The following GFOD2 variants were observed in gnomAD, a reference collection of about 807,000 sequenced individuals.
GFOD2 encodes the protein glucose-fructose oxidoreductase domain-containing protein 2.
A neutral mutation model predicts 24.6 loss-of-function variants in GFOD2; 9 were observed. That is an observed-to-expected ratio of 0.37 (90% confidence interval 0.22 to 0.64). GFOD2 has a LOEUF of 0.64. Among genes scored for constraint, GFOD2 ranks in the 30% least tolerant of loss-of-function variants. The pLI, the probability that GFOD2 is intolerant of heterozygous loss-of-function variation, is 0.65. For synonymous variants in GFOD2, 211 were observed against 224.8 expected, an observed-to-expected ratio of 0.94 and a Z score of 0.55; for missense variants, 476 against 532.5, an observed-to-expected ratio of 0.89 and a Z score of 1.04.
chr16:67,689,106 C>G (rs1448641008), intron 1 of GFOD2, among the ~76,000 whole-genome samples: 1 of 150,922 alleles, frequency 6.6e-6, no homozygotes, highest in Non-Finnish European at 1.5e-5. Context: ...GTGGCGCAAT[C>G]TCAGCTTACT....
chr16:67,699,078 C>T (rs1214460433), intron 1 of GFOD2, among the ~76,000 whole-genome samples: 1 of 152,152 alleles, frequency 6.6e-6, no homozygotes, highest in East Asian at 1.9e-4. Context: ...CGTGGTGGCT[C>T]ACACCTGTAA....
intron 2 of GFOD2, 114 bp from the exon 3 acceptor site, chr16:67,676,167 T>A (rs2053183979): frequency 9.2e-7 from 1 of 1,084,576 alleles, no homozygotes; most frequent in Non-Finnish European, 1.3e-6. Context: ...AACTAATTTT[T>A]TTTTCTTTTT....
intron 1 of GFOD2, among the ~76,000 whole-genome samples, chr16:67,708,678 CACTT>C (rs2053454021): frequency 6.6e-6 from 1 of 152,134 alleles, no homozygotes; most frequent in African/African-American, 2.4e-5. Context: ...GGCAAGCCCT[CACTT>C]AGTGTCAGCC....
chr16:67,680,960 T>C, intron 2 of GFOD2: 1 of 985,424 alleles, frequency 1.0e-6, no homozygotes, highest in Non-Finnish European at 1.2e-6. Context: ...AAGTGTCACA[T>C]ACCTGGGATA....
chr16:67,691,095 C>A (rs755288652), intron 1 of GFOD2, among the ~76,000 whole-genome samples: 46 of 152,126 alleles, frequency 3.0e-4, no homozygotes, highest in Non-Finnish European at 5.9e-4. Flanking sequence ...AACTCCTGAC[C>A]TCAGGTGATC....
rs891197979 is a variant in GFOD2 at position 67,714,937 on chromosome 16, C to A, written c.-88+4226G>T. ...GAAATGACAGTACCTTGGACAAAAA[C>A]ACTACTTGCAATTCCTTTCTAAGAG... On this transcript the variant is annotated intron_variant, in intron 1 of 2. Coordinates refer to ENST00000268797, the MANE Select transcript of GFOD2 (RefSeq NM_030819.4). 3.3e-5 allele frequency among the ~76,000 whole-genome samples: 5 copies of A among 152,310 alleles called. No homozygotes were observed. The South Asian group carries it at 1.0e-3, about 32-fold the overall frequency.
intron 1 of GFOD2, among the ~76,000 whole-genome samples, chr16:67,711,517 T>C (rs1378137032): frequency 1.3e-5 from 2 of 152,210 alleles, no homozygotes; most frequent in Non-Finnish European, 2.9e-5. Context: ...TTCAGTGTCA[T>C]GGCTTTTAAA....
At chr16:67,703,434 G>C (rs186153677) in intron 1 of GFOD2, among the ~76,000 whole-genome samples, 1 of 150,212 alleles carries the variant, frequency 6.7e-6, no homozygotes, top group Non-Finnish European at 1.5e-5. Flanking sequence ...AAACAAAAAG[G>C]AAAAAAAAAC....
intron 2 of GFOD2, chr16:67,683,611 AACTT>A: frequency 8.1e-7 from 1 of 1,231,720 alleles, no homozygotes; most frequent in Non-Finnish European, 1.0e-6. Flanking sequence ...ATAAGGCCAA[AACTT>A]ACTTGCTCCA....
chr16:67,681,920 C>T (rs542631295), intron 2 of GFOD2: 285 of 984,776 alleles, frequency 2.9e-4, no homozygotes, highest in Non-Finnish European at 3.4e-4. Context: ...TGGCTCCCAC[C>T]TATAATTCCA....
In GFOD2 at chr16:67,680,929, G is replaced by C. The variant is rs866351757; in HGVS notation, c.259+4528C>G. The C allele has an allele frequency of 2.0e-5, 20 of 985,392 alleles. No homozygotes were observed. The African/African-American group carries it at 3.0e-4, about 15-fold the overall frequency. 61.0% of individuals were successfully genotyped at this position (985,392 alleles called of 1,614,324 possible). On this transcript the variant is annotated intron_variant, in intron 2 of 2. Coordinates refer to ENST00000268797, the MANE Select transcript of GFOD2 (RefSeq NM_030819.4). Reference sequence around the variant, plus strand: ...GAAGCTTTACAACAGGTACTAGCAGGACAATAAAGAACAGCCAGCCAAGTG... The same window carrying C: ...GAAGCTTTACAACAGGTACTAGCAGCACAATAAAGAACAGCCAGCCAAGTG...
intron 1 of GFOD2, among the ~76,000 whole-genome samples, chr16:67,706,053 G>T (rs975195021): frequency 7.6e-6 from 1 of 131,824 alleles, no homozygotes; most frequent in Non-Finnish European, 1.6e-5. Flanking sequence ...TGCAATCTCA[G>T]CTCACTGCAA....
intron 1 of GFOD2, among the ~76,000 whole-genome samples, chr16:67,714,140 C>T (rs1164978059): frequency 6.6e-6 from 1 of 152,016 alleles, no homozygotes; most frequent in South Asian, 2.1e-4. Flanking sequence ...TAGTGTTACA[C>T]ATTTATGACA....
At chr16:67,681,241 C>T in intron 2 of GFOD2, 1 of 985,426 alleles carries the variant, frequency 1.0e-6, no homozygotes, top group Non-Finnish European at 1.2e-6. Context: ...TATAATGCCT[C>T]GCTGCTGGCG....
intron 1 of GFOD2, among the ~76,000 whole-genome samples, chr16:67,717,947 CCT>C (rs1463927234): frequency 6.6e-6 from 1 of 152,206 alleles, no homozygotes; most frequent in Non-Finnish European, 1.5e-5. Context: ...TTGAAAATTT[CCT>C]CTCTTGGTCC....
intron 2 of GFOD2, chr16:67,683,912 G>A (rs2053246608): frequency 9.0e-7 from 1 of 1,108,172 alleles, no homozygotes. Context: ...GTATGTGCTA[G>A]TTGAATTGTG....
chr16:67,702,592 A>ATTT (rs561204882), intron 1 of GFOD2, among the ~76,000 whole-genome samples: 166 of 104,682 alleles, frequency 1.6e-3, no homozygotes, highest in Middle Eastern at 8.3e-3. Flanking sequence ...GGTAGCCAGG[A>ATTT]TTTTTTTTTT....
At chr16:67,690,887 G>A (rs2053307469) in intron 1 of GFOD2, among the ~76,000 whole-genome samples, 1 of 151,982 alleles carries the variant, frequency 6.6e-6, no homozygotes, top group South Asian at 2.1e-4. Context: ...TTTTGAAATG[G>A]AGTCTCACTC....
At chr16:67,713,171 G>A (rs373559761) in intron 1 of GFOD2, among the ~76,000 whole-genome samples, 2 of 151,512 alleles carry the variant, frequency 1.3e-5, no homozygotes, top group South Asian at 4.1e-4. Context: ...GGCGTGAGCC[G>A]CCACACTGGC....
Sources: gnomAD v4.1 joint callset for allele counts (sites outside exome capture counted in the v4.1 genomes callset) on GRCh38, gnomAD v4.1.1 for gene constraint, MANE v1.5 for transcripts, NCBI Gene and HGNC (gene_info 2026-07-23, HGNC 2026-07-21) for gene names.